Variants in SCGN observed in about 807,000 individuals in gnomAD.
SCGN encodes secretagogin, EF-hand calcium binding protein, also known as secretagogin.
In SCGN, 30 loss-of-function variants were observed where a neutral mutation model predicts 39.7. The ratio of observed to expected loss-of-function variants is 0.76; its 90% CI spans 0.57 to 1.03. The LOEUF is 1.03. Among genes scored for constraint, SCGN ranks in the 50% least tolerant of loss-of-function variants. SCGN has a pLI of 0.00. For synonymous variants in SCGN, 106 were observed against 114.1 expected (o/e 0.93, Z 0.45); for missense variants, 353 against 349.4 (o/e 1.01, Z -0.08).
chr6:25,689,669 G>T, intron 9 of SCGN, 137 bp downstream of exon 9: 1 of 704,230 alleles, frequency 1.4e-6, no homozygotes, highest in Non-Finnish European at 2.5e-6. Context: ...CTAGGTCAAG[G>T]TACTCTCAAC....
chr6:25,692,403 GAC>G (rs1297765652), intron 10 of SCGN, among the ~76,000 whole-genome samples: 1 of 152,342 alleles, frequency 6.6e-6, no homozygotes, highest in East Asian at 1.9e-4. Context: ...CAGGGGCAGT[GAC>G]TGCCTGAGTG....
At chr6:25,673,154 C>T (rs1201977532) in intron 6 of SCGN, among the ~76,000 whole-genome samples, 3 of 152,150 alleles carry the variant, frequency 2.0e-5, no homozygotes, top group African/African-American at 7.2e-5. Flanking sequence ...TGCTATCTCC[C>T]CTGTCAGTGT....
intron 6 of SCGN, among the ~76,000 whole-genome samples, chr6:25,674,168 G>C (rs1310628598): frequency 3.3e-5 from 5 of 152,156 alleles, no homozygotes. Flanking sequence ...ATGAGATTTA[G>C]AGGAGACAAC....
At chr6:25,665,082 A>G (rs1170966351) in intron 4 of SCGN, 50 bp downstream of exon 4, 1 of 1,424,510 alleles carries the variant, frequency 7.0e-7, no homozygotes, top group Admixed American at 1.7e-5. Context: ...AGACAAGGCT[A>G]CGATCTTAGC....
At chr6:25,701,021 G>A (rs913267725) in intron 10 of SCGN, among the ~76,000 whole-genome samples, 186 bp from the exon 11 acceptor site, 6 of 152,180 alleles carry the variant, frequency 3.9e-5, no homozygotes, top group Non-Finnish European at 4.4e-5. Context: ...GAGAAATGAA[G>A]CTGTTGGCAG....
chr6:25,670,085 T>C lies in SCGN; in HGVS notation c.471+9T>C, dbSNP rs1759475191. The C allele has an allele frequency of 3.8e-6, 6 of 1,594,862 alleles. No homozygotes were observed. Among genetic ancestry groups the C allele is most frequent in the African/African-American group, 1.3e-5 (1 of 74,608 alleles). The stretch of plus-strand genomic sequence containing the variant: ...AATACACTGGCACCATGGTAAGTAA[T>C]GAGTAATGTAATCTCCATGAGGGCA... On this transcript the variant is annotated intron_variant, in intron 6 of 10. Transcript: ENST00000377961.
At chr6:25,691,809 A>G (rs1044429166) in intron 10 of SCGN, among the ~76,000 whole-genome samples, 4 of 152,166 alleles carry the variant, frequency 2.6e-5, no homozygotes, top group Non-Finnish European at 5.9e-5. Context: ...TTTGTTCAGA[A>G]CACAATGATT....
chr6:25,684,812 A>G (rs1456738485), intron 7 of SCGN, among the ~76,000 whole-genome samples: 1 of 152,106 alleles, frequency 6.6e-6, no homozygotes, highest in Non-Finnish European at 1.5e-5. Context: ...CTATCTCAAA[A>G]AAAGAAAGGA....
chr6:25,673,026 A>G (rs938270690), intron 6 of SCGN, among the ~76,000 whole-genome samples: 1 of 152,124 alleles, frequency 6.6e-6, no homozygotes, highest in Non-Finnish European at 1.5e-5. Context: ...CAGCCTTCAC[A>G]TGGGACCTGA....
intron 6 of SCGN, among the ~76,000 whole-genome samples, chr6:25,677,534 T>G (rs1023069001): frequency 6.6e-6 from 1 of 152,164 alleles, no homozygotes; most frequent in African/African-American, 2.4e-5. Flanking sequence ...TAAAGTTTTT[T>G]TAAAAAAATA....
intron 2 of SCGN, 64 bp downstream of exon 2, chr6:25,653,516 A>C: frequency 8.3e-7 from 1 of 1,198,318 alleles, no homozygotes. Context: ...TCCAAGTCTT[A>C]TATTGATTGG....
At chr6:25,690,234 G>C (rs1338177310) in intron 9 of SCGN, among the ~76,000 whole-genome samples, 1 of 152,108 alleles carries the variant, frequency 6.6e-6, no homozygotes, top group Non-Finnish European at 1.5e-5. Flanking sequence ...TGTGGCCTTG[G>C]GCAGGTTCCT....
rs552784870 is a variant in SCGN, at chr6:25,664,884, G to C, written c.247-59G>C. The C allele has an allele frequency of 4.3e-5, 56 of 1,305,542 alleles. No individual in the cohort carries two copies. In the African/African-American group the frequency reaches 7.2e-4, roughly 17 times the overall value. The allele number at this position is 1,305,542 out of a possible 1,614,324, so 80.9% of individuals were successfully genotyped here. On this transcript the variant is annotated intron_variant, in intron 3 of 10. Coordinates refer to ENST00000377961, the MANE Select transcript of SCGN (RefSeq NM_006998.4). ...GCACCACCATGCCTTTTACCAGGGA[G>C]CACTCTTGAAATGGACACTGGCCAG...
At chr6:25,700,257 A>AAAAG (rs1474440498) in intron 10 of SCGN, among the ~76,000 whole-genome samples, 1 of 151,508 alleles carries the variant, frequency 6.6e-6, no homozygotes, top group Non-Finnish European at 1.5e-5. Flanking sequence ...AAAAAAAAAA[A>AAAAG]AAAAATTTTG....
chr6:25,652,275 C>A lies in SCGN; in HGVS notation c.-129C>A. 1.3e-6 allele frequency: 1 copy of A among 751,040 alleles called. No individual in the cohort carries two copies. The highest frequency in any genetic ancestry group is 2.3e-6 in the Non-Finnish European group (1 of 438,978). The allele number at this position is 751,040 out of a possible 1,614,324, so 46.5% of individuals were successfully genotyped here. ...CCAGCAGCGCTCGCGTCCTCCCCAG[C>A]AACAGTTACTCAAAGCTAATCAGAT... On this transcript the variant is annotated 5_prime_UTR_variant, in exon 1 of 11. Transcript: ENST00000377961.
chr6:25,688,790 A>G (rs1759737722), intron 7 of SCGN, among the ~76,000 whole-genome samples: 1 of 140,462 alleles, frequency 7.1e-6, no homozygotes, highest in East Asian at 2.0e-4. Context: ...CGACAGAGAG[A>G]GATTCTGTCT....
intron 7 of SCGN, among the ~76,000 whole-genome samples, chr6:25,683,849 C>T (rs377668849): frequency 6.6e-6 from 1 of 152,128 alleles, no homozygotes; most frequent in Non-Finnish European, 1.5e-5. Flanking sequence ...AATTCATATA[C>T]CATGTGGAAA....
At position 25,669,820 on chromosome 6, in the gene SCGN, G is replaced by C. The variant is rs556956540; in HGVS notation, c.394-179G>C. On this transcript the variant is annotated intron_variant, in intron 5 of 10. Coordinates refer to ENST00000377961, the MANE Select transcript of SCGN (RefSeq NM_006998.4). The stretch of plus-strand genomic sequence containing the variant: ...TTTTTCACGCTGGAGCTATTCCCTG[G>C]GTCCCGTGAGCTCCCTATAAACAGT... Among the ~76,000 whole-genome samples, 10 of 152,100 alleles carry C rather than the reference G, an allele frequency of 6.6e-5. No individual in the cohort carries two copies. In the East Asian group the frequency reaches 1.9e-3, roughly 29 times the overall value.
chr6:25,681,263 C>A (rs562218039), intron 6 of SCGN, among the ~76,000 whole-genome samples: 1 of 152,320 alleles, frequency 6.6e-6, no homozygotes, highest in East Asian at 1.9e-4. Flanking sequence ...TTTGCCTTCA[C>A]GGAAACATGA....
Sources: allele counts gnomAD v4.1 joint callset (sites outside exome capture counted in the v4.1 genomes callset), GRCh38; gene constraint gnomAD v4.1.1; transcripts MANE v1.5; gene names NCBI Gene and HGNC (gene_info 2026-07-23, HGNC 2026-07-21).